Variants in NRCAM observed in about 807,000 individuals in gnomAD.
NRCAM encodes the protein NgCAM-related cell adhesion molecule.
In NRCAM, 83 loss-of-function variants were observed where a neutral mutation model predicts 156.5. That is an observed-to-expected ratio of 0.53 (90% confidence interval 0.44 to 0.64). The LOEUF is 0.64. Ranked by LOEUF, NRCAM falls within the 30% of genes least tolerant of loss-of-function variation. The pLI, the probability that NRCAM is intolerant of heterozygous loss-of-function variation, is 0.00. For synonymous variants in NRCAM, 538 were observed against 563.9 expected (o/e 0.95, Z 0.65); for missense variants, 1,417 against 1,597.3 (o/e 0.89, Z 1.92).
chr7:108,328,192 T>A, intron 2 of NRCAM, among the ~76,000 whole-genome samples: 1 of 152,200 alleles, frequency 6.6e-6, no homozygotes, highest in Non-Finnish European at 1.5e-5. Flanking sequence ...TTAAACAAGC[T>A]ATGTGAAACA....
At chr7:108,190,436 T>C (rs2070539739) in intron 19 of NRCAM, among the ~76,000 whole-genome samples, 2 of 152,208 alleles carry the variant, frequency 1.3e-5, no homozygotes, top group Non-Finnish European at 2.9e-5. Flanking sequence ...CCTAGGAGTA[T>C]CTCTGGCTCT....
intron 2 of NRCAM, among the ~76,000 whole-genome samples, chr7:108,324,077 C>T (rs1398280417): frequency 6.6e-6 from 1 of 152,008 alleles, no homozygotes; most frequent in African/African-American, 2.4e-5. Context: ...AGGGCAAGAC[C>T]TCTGGCTTCC....
Position 108,209,539 on chromosome 7 carries a change from C to T in NRCAM, c.957G>A (p.Lys319=), listed in dbSNP as rs2082930013. The stretch of plus-strand genomic sequence containing the variant: ...TGATCTGCAAGGTTTTCTCAAAGTT[C>T]TTATAAACTGTCCTGTTTTTGGGTA... The part of the protein sequence containing the change: ...GMLPKNRTVY[K]NFEKTLQIIH... The change falls in exon 12 of 33, where the codon AAG becomes AAA. Residue 319 remains lysine (K), a synonymous_variant. Coordinates refer to ENST00000379028, the MANE Select transcript of NRCAM (RefSeq NM_001037132.4). The T allele has an allele frequency of 3.1e-6, 5 of 1,612,666 alleles. No homozygotes were observed. The highest frequency in any genetic ancestry group is 4.2e-6 in the Non-Finnish European group (5 of 1,179,510).
At chr7:108,299,114 A>AAAAAAAGAAAGAAAG in intron 3 of NRCAM, among the ~76,000 whole-genome samples, 1 of 25,530 alleles carries the variant, frequency 3.9e-5, no homozygotes, top group Non-Finnish European at 8.0e-5. Context: ...TCAAAAAAAA[A>AAAAAAAGAAAGAAAG]AAAGAAAGAA....
In NRCAM at chr7:108,196,890, C is replaced by A. The variant is rs1262687198; in HGVS notation, c.1352-1018G>T. On this transcript the variant is annotated intron_variant, in intron 14 of 32. Coordinates refer to ENST00000379028, the MANE Select transcript of NRCAM (RefSeq NM_001037132.4). ...AAATCAGTATGTCGAGATATTTGAA[C>A]TCCCTTGTTCATTGCAGTATTATTC... 3.9e-5 allele frequency among the ~76,000 whole-genome samples: 6 copies of A among 152,150 alleles called. No individual in the cohort carries two copies. The South Asian group carries it at 1.0e-3, about 26-fold the overall frequency.
At chr7:108,434,279 T>C (rs1409862525) in intron 1 of NRCAM, among the ~76,000 whole-genome samples, 1 of 152,194 alleles carries the variant, frequency 6.6e-6, no homozygotes, top group African/African-American at 2.4e-5. Flanking sequence ...GGAGGCTCAC[T>C]TGATTAGAGC....
intron 1 of NRCAM, among the ~76,000 whole-genome samples, chr7:108,435,392 C>T (rs894287544): frequency 1.3e-5 from 2 of 152,072 alleles, no homozygotes; most frequent in Admixed American, 1.3e-4. Flanking sequence ...GAAAAATAAG[C>T]AGAGTCTCAG....
At chr7:108,345,390 A>C (rs920574737) in intron 2 of NRCAM, among the ~76,000 whole-genome samples, 15 of 152,308 alleles carry the variant, frequency 9.8e-5, no homozygotes, top group Admixed American at 5.2e-4. Flanking sequence ...TAAATATTAA[A>C]GCGGTTCAAA....
rs990160296 is a variant in NRCAM, at chr7:108,226,247, T to C, written c.682A>G (p.Ile228Val). The part of the protein sequence containing the change: ...CYARFNHTQT[I>V]QQKQPISVKV... Reference sequence around the variant, plus strand: ...ACAGAAATAGGTTGCTTCTGCTGTATGGTTTGAGTATGATTAAATCTAGCA... The same window carrying C: ...ACAGAAATAGGTTGCTTCTGCTGTACGGTTTGAGTATGATTAAATCTAGCA... The change falls in exon 9 of 33, where the codon ATA becomes GTA. Residue 228 changes from isoleucine to valine, a missense_variant. Physicochemically the swap from Ile to Val is conservative, Grantham distance 29. This residue lies in a region of NRCAM where 1,238 missense variants were observed against 1,336.4 expected (regional missense o/e 0.93). Transcript: ENST00000379028. The C allele has an allele frequency of 1.9e-6, 3 of 1,608,692 alleles. No homozygotes were observed. The highest frequency in any genetic ancestry group is 2.7e-5 in the African/African-American group (2 of 74,842).
intron 32 of NRCAM, among the ~76,000 whole-genome samples, chr7:108,154,444 G>T (rs892401853): frequency 6.6e-6 from 1 of 152,084 alleles, no homozygotes; most frequent in Non-Finnish European, 1.5e-5. Context: ...GATTCATGTG[G>T]GTTTTTACAT....
intron 11 of NRCAM, among the ~76,000 whole-genome samples, chr7:108,222,673 C>T (rs1053610531): frequency 6.6e-6 from 1 of 152,052 alleles, no homozygotes; most frequent in Non-Finnish European, 1.5e-5. Flanking sequence ...CCTCGGCCAG[C>T]GGAGGCCTCC....
intron 1 of NRCAM, among the ~76,000 whole-genome samples, chr7:108,455,652 G>C (rs1233515864): frequency 6.6e-6 from 1 of 152,184 alleles, no homozygotes; most frequent in African/African-American, 2.4e-5. Flanking sequence ...AAGCGAAGTC[G>C]GCCTCGCCCC....
At chr7:108,354,413 C>T (rs773701342) in intron 2 of NRCAM, among the ~76,000 whole-genome samples, 1 of 152,146 alleles carries the variant, frequency 6.6e-6, no homozygotes, top group Non-Finnish European at 1.5e-5. Context: ...ATTATCACTA[C>T]TTCTACTCAA....
intron 1 of NRCAM, among the ~76,000 whole-genome samples, chr7:108,404,425 T>C (rs965460686): frequency 2.0e-5 from 3 of 152,328 alleles, no homozygotes; most frequent in African/African-American, 4.8e-5. Context: ...TTATTTTTCA[T>C]AGAGGTAATC....
Position 108,232,418 on chromosome 7 carries a change from C to G in NRCAM, c.335G>C (p.Gly112Ala). Residue 112 changes from glycine (G) to alanine (A), a missense_variant, in exon 7 of 33, where the codon GGG becomes GCG. This residue lies in a region of NRCAM where 1,238 missense variants were observed against 1,336.4 expected (regional missense o/e 0.93). Transcript: ENST00000379028. The part of the protein sequence containing the change: ...GTLIINIMSE[G>A]KAETYEGVYQ... The stretch of plus-strand genomic sequence containing the variant: ...GACTCCTTCATAGGTCTCAGCTTTC[C>G]CTTCGCTCATGATGTTAATTATGAG... 1 of 1,613,720 alleles carries G rather than the reference C, an allele frequency of 6.2e-7. No individual in the cohort carries two copies. Among genetic ancestry groups the G allele is most frequent in the Non-Finnish European group, 8.5e-7 (1 of 1,179,766 alleles).
chr7:108,446,050 A>G lies in NRCAM; in HGVS notation c.-332+10193T>C, dbSNP rs553527385. ...ACTCAGTCAGTGTGCAGCCACCCAG[A>G]GACCTCCGGAGGAAAATGACAAGCA... On this transcript the variant is annotated intron_variant, in intron 1 of 32. Coordinates refer to ENST00000379028, the MANE Select transcript of NRCAM (RefSeq NM_001037132.4). Among the ~76,000 whole-genome samples, 6 of 152,338 alleles carry G rather than the reference A, an allele frequency of 3.9e-5. No individual in the cohort carries two copies. The South Asian group carries it at 1.2e-3, about 32-fold the overall frequency.
chr7:108,231,736 TTC>T (rs935881995), intron 7 of NRCAM, among the ~76,000 whole-genome samples: 9 of 152,210 alleles, frequency 5.9e-5, no homozygotes, highest in Admixed American at 3.3e-4. Flanking sequence ...GTTTTTAAAT[TTC>T]TTTTTTGTTT....
intron 32 of NRCAM, among the ~76,000 whole-genome samples, chr7:108,154,371 C>T (rs2043586532): frequency 1.3e-5 from 2 of 152,098 alleles, no homozygotes. Flanking sequence ...AAATATAAGA[C>T]TTTTATGTTA....
intron 2 of NRCAM, among the ~76,000 whole-genome samples, chr7:108,344,386 G>A (rs1400770141): frequency 6.6e-6 from 1 of 152,118 alleles, no homozygotes; most frequent in African/African-American, 2.4e-5. Flanking sequence ...GAGGGACAAT[G>A]ATCGGGATAT....
Sources: gnomAD v4.1 joint callset for allele counts (sites outside exome capture counted in the v4.1 genomes callset) on GRCh38, gnomAD v4.1.1 for gene constraint, gnomAD v4.1.1 regional missense constraint, MANE v1.5 for transcripts, NCBI Gene and HGNC (gene_info 2026-07-23, HGNC 2026-07-21) for gene names.